The following AFAP1L2 variants were observed in gnomAD, a reference collection of about 807,000 sequenced individuals.
The protein encoded by AFAP1L2 is actin filament-associated protein 1-like 2.
In AFAP1L2, 46 loss-of-function variants were observed where a neutral mutation model predicts 99.3. That is an observed-to-expected ratio of 0.46 (90% CI 0.37 to 0.59). The LOEUF is 0.59. Ranked by LOEUF, AFAP1L2 falls within the 20% of genes least tolerant of loss-of-function variation. The probability of loss-of-function intolerance (pLI) is 0.00; values close to 1 mark genes in which losing one functional copy is unlikely to be tolerated. For missense variants in AFAP1L2, 959 were observed against 1,034.9 expected (o/e 0.93, Z 1.01); for synonymous variants, 397 against 419.1 (o/e 0.95, Z 0.64).
chr10:114,377,006 AG>A lies in AFAP1L2; in HGVS notation c.16+27433del, dbSNP rs2054900756. On this transcript the variant is annotated intron_variant, in intron 1 of 18. Transcript: ENST00000304129. This position sits in a 1 kb window ranked among gnomAD's most constrained non-coding sequence, Gnocchi z 4.0. ...TATCCCTCACCTGCTGACCCAACAC[AG>A]GGAAGGTGAAGGGCACTCAACTTGG... Among the ~76,000 whole-genome samples, 1 of 152,164 alleles carries A rather than the reference AG, an allele frequency of 6.6e-6. No individual in the cohort carries two copies. The highest frequency in any genetic ancestry group is 2.1e-4 in the South Asian group (1 of 4,830).
the AFAP1L2 span, chr10:114,285,124 C>T: frequency 1.7e-6 from 1 of 582,312 alleles, no homozygotes; most frequent in Non-Finnish European, 2.9e-6. Flanking sequence ...TCACGTGGTG[C>T]AGCCTGTCAG....
chr10:114,327,402 C>A (rs982153987), intron 4 of AFAP1L2, among the ~76,000 whole-genome samples: 3 of 151,570 alleles, frequency 2.0e-5, no homozygotes, highest in African/African-American at 7.3e-5. Context: ...GATCTGCCTG[C>A]CTCAGCCTCT....
intron 1 of AFAP1L2, among the ~76,000 whole-genome samples, chr10:114,344,480 G>A (rs867333704): frequency 3.9e-5 from 6 of 152,092 alleles, no homozygotes; most frequent in Non-Finnish European, 8.8e-5. Flanking sequence ...TTTCACTTCC[G>A]CATCCTTGGC....
At chr10:114,357,902 A>G (rs1403126665) in intron 1 of AFAP1L2, among the ~76,000 whole-genome samples, 2 of 152,212 alleles carry the variant, frequency 1.3e-5, no homozygotes, top group African/African-American at 4.8e-5. Flanking sequence ...TTCTTTTGAC[A>G]ATACACACTT....
chr10:114,290,375 G>T, downstream of AFAP1L2: 1 of 1,550,406 alleles, frequency 6.4e-7, no homozygotes, highest in Non-Finnish European at 8.7e-7. Context: ...CGTGAGTGGA[G>T]CTCTTGCTCT....
intron 5 of AFAP1L2, among the ~76,000 whole-genome samples, chr10:114,320,574 C>T (rs1032230759): frequency 1.3e-5 from 2 of 152,206 alleles, no homozygotes; most frequent in African/African-American, 2.4e-5. Flanking sequence ...CCTCCCACCT[C>T]GCAGCTGGTT....
intron 1 of AFAP1L2, among the ~76,000 whole-genome samples, chr10:114,389,240 C>T (rs2056860801): frequency 6.6e-6 from 1 of 152,056 alleles, no homozygotes; most frequent in Non-Finnish European, 1.5e-5. Context: ...ACATGGACCT[C>T]TGAATCTCAA....
At chr10:114,347,997 G>C (rs1369558101) in intron 1 of AFAP1L2, among the ~76,000 whole-genome samples, 1 of 152,092 alleles carries the variant, frequency 6.6e-6, no homozygotes, top group African/African-American at 2.4e-5. Context: ...TCAGATGCTG[G>C]CAACCGCAAA....
chr10:114,332,479 G>A (rs1232735842), intron 3 of AFAP1L2, among the ~76,000 whole-genome samples: 2 of 152,228 alleles, frequency 1.3e-5, no homozygotes, highest in East Asian at 1.9e-4. Context: ...GCCCGATATC[G>A]GGGATTTGGT....
intron 13 of AFAP1L2, 39 bp downstream of exon 13, chr10:114,301,315 C>T (rs1400503143): frequency 6.5e-7 from 1 of 1,532,620 alleles, no homozygotes; most frequent in Admixed American, 1.7e-5. Flanking sequence ...AGGAGGAGGG[C>T]CTGGAGAGGC....
intron 7 of AFAP1L2, among the ~76,000 whole-genome samples, chr10:114,312,087 G>A (rs1026767324): frequency 1.1e-4 from 17 of 152,144 alleles, no homozygotes; most frequent in Non-Finnish European, 2.4e-4. Flanking sequence ...AAGCGTTCTT[G>A]TCTTTGAAAC....
intron 1 of AFAP1L2, among the ~76,000 whole-genome samples, chr10:114,366,505 A>C (rs1189130026): frequency 6.6e-6 from 1 of 152,226 alleles, no homozygotes; most frequent in African/African-American, 2.4e-5. Context: ...GAGGAAGAAA[A>C]TATACTCCAC....
At chr10:114,398,891 G>T (rs1565102690) in intron 1 of AFAP1L2, 1 of 1,304,346 alleles carries the variant, frequency 7.7e-7, no homozygotes, top group Non-Finnish European at 1.0e-6. Context: ...CCACCAGACA[G>T]CAACACCCCT....
chr10:114,303,759 T>A (rs960817367), intron 11 of AFAP1L2, among the ~76,000 whole-genome samples: 1 of 152,044 alleles, frequency 6.6e-6, no homozygotes, highest in Non-Finnish European at 1.5e-5. Flanking sequence ...GGAGGAAGCA[T>A]CTCAAAACCC....
intron 16 of AFAP1L2, among the ~76,000 whole-genome samples, chr10:114,298,887 CCAGT>C (rs1185629536): frequency 6.6e-6 from 1 of 152,180 alleles, no homozygotes; most frequent in African/African-American, 2.4e-5. Flanking sequence ...ACATGAGACT[CCAGT>C]CAGCCAACCA....
At chr10:114,289,025 T>G in the AFAP1L2 span, 2 of 1,614,168 alleles carry the variant, frequency 1.2e-6, no homozygotes, top group East Asian at 2.2e-5. Flanking sequence ...ATGCAGAGCT[T>G]TGTGAGAAGC....
In AFAP1L2 at chr10:114,300,508, G is replaced by A. The variant is rs1266719643; in HGVS notation, c.1725C>T (p.Asp575=). 6.2e-7 allele frequency: 1 copy of A among 1,614,212 alleles called. No homozygotes were observed. Among genetic ancestry groups the A allele is most frequent in the Admixed American group, 1.7e-5 (1 of 60,034 alleles). ...CATCTGGGGTGGGACCTGGGCCTGA[G>A]TCTGCCGGGAGGGCCTCAGTTGCAT... ...LDNATEALPA[D]SGPGPTPDEP... Residue 575 remains aspartate (D), a synonymous_variant, in exon 14 of 19, where the codon GAC becomes GAT. Transcript: ENST00000304129.
chr10:114,305,593 G>A (rs1420566793), intron 10 of AFAP1L2, among the ~76,000 whole-genome samples: 2 of 148,834 alleles, frequency 1.3e-5, no homozygotes, highest in Admixed American at 1.3e-4. Context: ...AGGAGGCGAC[G>A]GGGCTGCAGA....
intron 1 of AFAP1L2, 142 bp downstream of exon 1, chr10:114,404,298 C>G (rs1391596116): frequency 2.9e-6 from 3 of 1,018,200 alleles, no homozygotes; most frequent in East Asian, 5.3e-5. Flanking sequence ...CTGTCGCCCC[C>G]TCTTAGGCCC....
Sources: allele counts gnomAD v4.1 joint callset (sites outside exome capture counted in the v4.1 genomes callset), GRCh38; gene constraint gnomAD v4.1.1; non-coding constraint Gnocchi (gnomAD v3.1); transcripts MANE v1.5; gene names NCBI Gene and HGNC (gene_info 2026-07-23, HGNC 2026-07-21).